Variants in KIAA1217 observed in about 807,000 individuals in gnomAD.
KIAA1217 encodes the protein sickle tail protein homolog.
In KIAA1217, 88 loss-of-function variants were observed where a neutral mutation model predicts 163.9. The observed-to-expected ratio is 0.54, with a 90% confidence interval of 0.45 to 0.64. The LOEUF (loss-of-function observed/expected upper bound fraction) is 0.64, where lower values mean the gene tolerates loss of function less well. Ranked by LOEUF, KIAA1217 falls within the 30% of genes least tolerant of loss-of-function variation. KIAA1217 has a pLI of 0.00. For missense variants in KIAA1217, 2,372 were observed against 2,475.0 expected, an observed-to-expected ratio of 0.96 and a Z score of 0.88; for synonymous variants, 903 against 923.1, an observed-to-expected ratio of 0.98 and a Z score of 0.39.
intron 1 of KIAA1217, among the ~76,000 whole-genome samples, chr10:23,901,801 C>G (rs1014068331): frequency 6.6e-6 from 1 of 151,310 alleles, no homozygotes; most frequent in African/African-American, 2.4e-5. Context: ...GTCCCAGCTA[C>G]TCAGGAGCCT....
At chr10:24,124,341 T>C (rs1276679412) in intron 2 of KIAA1217, among the ~76,000 whole-genome samples, 3 of 152,132 alleles carry the variant, frequency 2.0e-5, no homozygotes, top group African/African-American at 4.8e-5. Flanking sequence ...TTTAGAAGTT[T>C]GTAAATTATT....
At chr10:23,940,890 C>T (rs1284738320) in intron 1 of KIAA1217, among the ~76,000 whole-genome samples, 3 of 152,228 alleles carry the variant, frequency 2.0e-5, no homozygotes, top group Non-Finnish European at 4.4e-5. Flanking sequence ...TTTACAAACT[C>T]TTTCTGACTA....
intron 1 of KIAA1217, among the ~76,000 whole-genome samples, chr10:23,869,033 G>A (rs988069794): frequency 1.4e-5 from 2 of 145,278 alleles, no homozygotes; most frequent in Non-Finnish European, 3.0e-5. Context: ...CACAAATTTT[G>A]TCTAAGCAAT....
At chr10:23,898,434 C>T (rs1343307797) in intron 1 of KIAA1217, among the ~76,000 whole-genome samples, 2 of 151,830 alleles carry the variant, frequency 1.3e-5, no homozygotes, top group Admixed American at 6.6e-5. Flanking sequence ...TACCATTTTC[C>T]ATTTCACAAA....
In KIAA1217 at chr10:23,946,693, A is replaced by G. The variant is rs558885339; in HGVS notation, c.-320-60532A>G. Reference sequence around the variant, plus strand: ...ACATTATCATCACATAACAGCCTACATAAAAACTCTTCAAGAGCCCATAAC... The same window carrying G: ...ACATTATCATCACATAACAGCCTACGTAAAAACTCTTCAAGAGCCCATAAC... On this transcript the variant is annotated intron_variant, in intron 1 of 18. Transcript: ENST00000376462. Among the ~76,000 whole-genome samples the G allele has an allele frequency of 2.0e-5, 3 of 152,310 alleles. No individual in the cohort carries two copies. In the South Asian group the frequency reaches 6.2e-4, roughly 32 times the overall value.
intron 1 of KIAA1217, among the ~76,000 whole-genome samples, chr10:23,997,690 G>A (rs192188399): frequency 2.6e-5 from 4 of 152,164 alleles, no homozygotes; most frequent in Non-Finnish European, 5.9e-5. Context: ...ACAGACCTGG[G>A]CCTTTCACTG....
At chr10:24,337,349 A>T (rs535220035) in intron 2 of KIAA1217, among the ~76,000 whole-genome samples, 1 of 152,226 alleles carries the variant, frequency 6.6e-6, no homozygotes, top group South Asian at 2.1e-4. Flanking sequence ...TGCAAATGCA[A>T]ACTACAGTTA....
At chr10:24,075,483 A>G (rs1054111799) in intron 2 of KIAA1217, among the ~76,000 whole-genome samples, 4 of 151,844 alleles carry the variant, frequency 2.6e-5, no homozygotes, top group Admixed American at 6.6e-5. Context: ...CTGATATGTT[A>G]TCTATGTTTA....
chr10:23,939,631 T>C lies in KIAA1217; in HGVS notation c.-320-67594T>C, dbSNP rs368096132. Reference sequence around the variant, plus strand: ...GTTTATATGCACCTAATAACAGAGCTTCAAAATACACAAGGCAGAAACTTA... The same window carrying C: ...GTTTATATGCACCTAATAACAGAGCCTCAAAATACACAAGGCAGAAACTTA... On this transcript the variant is annotated intron_variant, in intron 1 of 18. Transcript: ENST00000376462. 4.0e-4 allele frequency among the ~76,000 whole-genome samples: 61 copies of C among 151,974 alleles called. No individual in the cohort carries two copies. The East Asian group carries it at 5.8e-3, about 14-fold the overall frequency.
intron 1 of KIAA1217, among the ~76,000 whole-genome samples, chr10:23,903,929 G>A (rs930786830): frequency 6.6e-6 from 1 of 152,052 alleles, no homozygotes; most frequent in African/African-American, 2.4e-5. Flanking sequence ...GCTGGCAAAC[G>A]AATTTTCTCA....
chr10:23,775,970 G>A (rs7898294), intron 1 of KIAA1217, among the ~76,000 whole-genome samples: 14,722 of 152,000 alleles, frequency 0.097, 2,252 homozygotes, highest in African/African-American at 0.33. Flanking sequence ...TCCCATAAAC[G>A]TATCAGATAA....
At chr10:24,356,856 CT>C (rs2049178691) in intron 2 of KIAA1217, among the ~76,000 whole-genome samples, 1 of 152,208 alleles carries the variant, frequency 6.6e-6, no homozygotes, top group African/African-American at 2.4e-5. Context: ...CTGTGGTATT[CT>C]GTTATAGCAA....
intron 10 of KIAA1217, among the ~76,000 whole-genome samples, chr10:24,514,800 G>A (rs964138381): frequency 1.3e-5 from 2 of 151,864 alleles, no homozygotes; most frequent in African/African-American, 4.8e-5. Context: ...GACCAGCCTG[G>A]CCAACATGGC....
At chr10:24,422,517 T>A (rs2058816794) in intron 3 of KIAA1217, among the ~76,000 whole-genome samples, 1 of 152,206 alleles carries the variant, frequency 6.6e-6, no homozygotes, top group Admixed American at 6.5e-5. Flanking sequence ...CAAGTTCTGT[T>A]GTGACTTTAC....
chr10:24,501,447 C>G lies in KIAA1217; in HGVS notation c.1903C>G (p.Pro635Ala). 1 of 1,614,094 alleles carries G rather than the reference C, an allele frequency of 6.2e-7. No individual in the cohort carries two copies. The highest frequency in any genetic ancestry group is 8.5e-7 in the Non-Finnish European group (1 of 1,180,008). ...GTCCACGGTGCCTCCCAGCCAGCCT[C>G]CACCTGTGGGCACCTCAGCCATCCA... ...LESTVPPSQP[P>A]PVGTSAIHMS... The change falls in exon 9 of 21, where the codon CCA becomes GCA. Residue 635 changes from proline (P) to alanine (A), a missense_variant. Physicochemically the swap from Pro to Ala is conservative, Grantham distance 27. This residue lies in a region of KIAA1217 where 1,431 missense variants were observed against 1,470.3 expected (regional missense o/e 0.97). Transcript: ENST00000376454.
intron 1 of KIAA1217, among the ~76,000 whole-genome samples, chr10:23,905,499 G>A (rs1842123514): frequency 6.6e-6 from 1 of 152,048 alleles, no homozygotes; most frequent in Non-Finnish European, 1.5e-5. Flanking sequence ...ATTCGCCCAA[G>A]GTCATAAAGC....
chr10:24,423,514 C>T (rs1015827885), intron 3 of KIAA1217, among the ~76,000 whole-genome samples: 3 of 152,098 alleles, frequency 2.0e-5, no homozygotes, highest in Admixed American at 6.5e-5. Context: ...GGCTGAAGTG[C>T]AGTGGCACCA....
chr10:24,208,910 C>T (rs377019402), upstream of KIAA1217: 50 of 382,788 alleles, frequency 1.3e-4, 3 homozygotes, highest in South Asian at 7.4e-4. Flanking sequence ...CAGAGCCCAG[C>T]CCCCAGTCCC....
intron 1 of KIAA1217, among the ~76,000 whole-genome samples, chr10:23,703,052 G>A (rs1836584896): frequency 6.6e-6 from 1 of 151,958 alleles, no homozygotes; most frequent in Non-Finnish European, 1.5e-5. Context: ...GATGCAAAGT[G>A]TGACCAGCCC....
Sources: gnomAD v4.1 joint callset for allele counts (sites outside exome capture counted in the v4.1 genomes callset) on GRCh38, gnomAD v4.1.1 for gene constraint, gnomAD v4.1.1 regional missense constraint, MANE v1.5 for transcripts, NCBI Gene and HGNC (gene_info 2026-07-23, HGNC 2026-07-21) for gene names.